Variants in FGF14 observed in about 807,000 individuals in gnomAD.
The protein encoded by FGF14 is fibroblast growth factor homologous factor 4.
Under a neutral mutation model 25.5 loss-of-function variants are expected in FGF14, and 5 were observed. The observed-to-expected ratio is 0.20, with a 90% CI of 0.10 to 0.41. The LOEUF (loss-of-function observed/expected upper bound fraction) is 0.41. FGF14 is among the 10% of genes least tolerant of loss of function. FGF14 has a pLI of 1.00. For synonymous variants in FGF14, 138 were observed against 118.3 expected (o/e 1.17, Z -1.08); for missense variants, 222 against 320.1 (o/e 0.69, Z 2.34).
At chr13:101,814,986 AC>A (rs916561521) in intron 3 of FGF14, among the ~76,000 whole-genome samples, 5 of 136,188 alleles carry the variant, frequency 3.7e-5, no homozygotes, top group Non-Finnish European at 8.6e-5. Flanking sequence ...ACTTATTAGT[AC>A]CCCTGATGGT....
rs2047712399 is a variant in FGF14 at position 102,161,632 on chromosome 13, AAGAAGAAGAAGAAGAAG to A, written c.208+239822_208+239838del. On this transcript the variant is annotated intron_variant, in intron 1 of 4. Coordinates refer to the FGF14 transcript ENST00000376131. ...GAAGAAGAAGAAGAAGAAGAAGAAG[AAGAAGAAGAAGAAGAAG>A]AAGAAGAAGAAGAAGAAGAAGAAGA... is the stretch of plus-strand genomic sequence containing the variant. 2.1e-3 allele frequency among the ~76,000 whole-genome samples: 25 copies of A among 12,098 alleles called. 3 individuals carry two copies. Among genetic ancestry groups the A allele is most frequent in the Non-Finnish European group, 3.0e-3 (18 of 6,022 alleles). The allele number at this position is 12,098 out of a possible 152,430, so 7.9% of individuals were successfully genotyped here. A position where few individuals can be genotyped will look rare whatever the true frequency, so the allele number is the denominator to read the frequency against.
chr13:102,143,778 C>A lies in FGF14; in HGVS notation c.208+257693G>T, dbSNP rs569817794. 1.1e-4 allele frequency among the ~76,000 whole-genome samples: 17 copies of A among 152,248 alleles called. No individual in the cohort carries two copies. In the South Asian group the frequency reaches 3.5e-3, roughly 32 times the overall value. On this transcript the variant is annotated intron_variant, in intron 1 of 4. Coordinates refer to the FGF14 transcript ENST00000376131. Reference sequence around the variant, plus strand: ...TAAAATACATATATAAAGAAATACACAAATTAAAACCGTTGCTTCCTTTTG... The same window carrying A: ...TAAAATACATATATAAAGAAATACAAAAATTAAAACCGTTGCTTCCTTTTG...
At chr13:102,069,741 A>AGAC (rs1248356217) in intron 1 of FGF14, among the ~76,000 whole-genome samples, 10 of 152,176 alleles carry the variant, frequency 6.6e-5, no homozygotes, top group Admixed American at 6.5e-4. Flanking sequence ...AACAAACTCC[A>AGAC]GACGCGCCAC....
chr13:102,250,874 G>A (rs1198496529), intron 1 of FGF14, among the ~76,000 whole-genome samples: 2 of 152,148 alleles, frequency 1.3e-5, no homozygotes, highest in African/African-American at 4.8e-5. Context: ...CCTATTTAGT[G>A]TTATTCCTTT....
At chr13:102,351,972 C>T (rs1353075022) in intron 1 of FGF14, among the ~76,000 whole-genome samples, 1 of 152,124 alleles carries the variant, frequency 6.6e-6, no homozygotes, top group Non-Finnish European at 1.5e-5. Flanking sequence ...GAACATATTT[C>T]AAACAACCAC....
At chr13:102,138,695 G>A (rs2046510167) in intron 1 of FGF14, among the ~76,000 whole-genome samples, 1 of 152,118 alleles carries the variant, frequency 6.6e-6, no homozygotes, top group Admixed American at 6.6e-5. Flanking sequence ...GGACAGAGGA[G>A]AGGACACCAG....
At chr13:101,982,181 A>C (rs1055919097) in intron 1 of FGF14, among the ~76,000 whole-genome samples, 1 of 152,216 alleles carries the variant, frequency 6.6e-6, no homozygotes, top group Admixed American at 6.5e-5. Flanking sequence ...AATTCTTCTC[A>C]TTCCAATGCT....
Position 101,716,739 on chromosome 13 carries a change from G to C in FGF14, c.*6092C>G, listed in dbSNP as rs1480323851. 1.4e-5 allele frequency: 2 copies of C among 144,494 alleles called. No homozygotes were observed. The highest frequency in any genetic ancestry group is 3.0e-5 in the Non-Finnish European group (2 of 66,646). 9.0% of individuals were successfully genotyped at this position (144,494 alleles called of 1,614,324 possible). ...ACCTGGGGTCATGCAAAGAAGTCAA[G>C]ACGAGAAATACTGTGATAAAATGGC... On this transcript the variant is annotated 3_prime_UTR_variant, in exon 5 of 5. Coordinates refer to ENST00000376143, the MANE Select transcript of FGF14 (RefSeq NM_004115.4).
chr13:101,740,248 A>G (rs1482371716), intron 3 of FGF14, among the ~76,000 whole-genome samples: 1 of 152,216 alleles, frequency 6.6e-6, no homozygotes, highest in African/African-American at 2.4e-5. Context: ...TCTGCGGCTC[A>G]TTCTGCTACA....
At chr13:102,223,527 T>C (rs557322155) in intron 1 of FGF14, among the ~76,000 whole-genome samples, 1 of 152,200 alleles carries the variant, frequency 6.6e-6, no homozygotes, top group African/African-American at 2.4e-5. Context: ...ATGATAGTTT[T>C]ATTCTGCTTT....
chr13:102,195,817 CA>C (rs954796043), intron 1 of FGF14, among the ~76,000 whole-genome samples: 21 of 147,912 alleles, frequency 1.4e-4, no homozygotes, highest in African/African-American at 5.2e-4. Context: ...AAACTCAAAT[CA>C]AAACAACAGT....
intron 3 of FGF14, among the ~76,000 whole-genome samples, chr13:101,844,896 G>A (rs1321967197): frequency 2.6e-5 from 4 of 151,964 alleles, no homozygotes; most frequent in East Asian, 1.9e-4. Context: ...TAACACTCCC[G>A]TGTCCCCTGA....
chr13:102,237,361 T>C (rs1325842768), intron 1 of FGF14, among the ~76,000 whole-genome samples: 1 of 152,154 alleles, frequency 6.6e-6, no homozygotes, highest in Admixed American at 6.5e-5. Context: ...CGGGTATGTC[T>C]TTCTCCAGCC....
Position 102,060,088 on chromosome 13 carries a change from G to A in FGF14, c.209-184792C>T, listed in dbSNP as rs1041847651. Among the ~76,000 whole-genome samples the A allele has an allele frequency of 1.8e-4, 27 of 151,956 alleles. 1 individual carries two copies. The East Asian group carries it at 5.2e-3, about 29-fold the overall frequency. The stretch of plus-strand genomic sequence containing the variant: ...TCATGCTCAAAGGAAATGCTGATTG[G>A]AGCATTTTGAATTTTGGATTTGTGG... On this transcript the variant is annotated intron_variant, in intron 1 of 4. Transcript: ENST00000376131.
intron 1 of FGF14, among the ~76,000 whole-genome samples, chr13:101,924,360 ACATC>A (rs2034217256): frequency 6.6e-6 from 1 of 152,032 alleles, no homozygotes; most frequent in Non-Finnish European, 1.5e-5. Context: ...GTAAACTTGT[ACATC>A]TGCACACACA....
At chr13:102,151,302 TG>T (rs2047074263) in intron 1 of FGF14, among the ~76,000 whole-genome samples, 1 of 152,174 alleles carries the variant, frequency 6.6e-6, no homozygotes, top group Admixed American at 6.5e-5. Context: ...TATGTGATGC[TG>T]GGGGTATCCA....
At chr13:101,787,821 T>C (rs1199391709) in intron 3 of FGF14, among the ~76,000 whole-genome samples, 2 of 152,142 alleles carry the variant, frequency 1.3e-5, no homozygotes, top group East Asian at 3.9e-4. Context: ...CTCTGTCCAC[T>C]GAAAAGCTTA....
chr13:102,065,822 C>G (rs1450367827), intron 1 of FGF14, among the ~76,000 whole-genome samples: 2 of 151,810 alleles, frequency 1.3e-5, no homozygotes, highest in Non-Finnish European at 2.9e-5. Flanking sequence ...TGGATAGTTA[C>G]TATGTATATA....
intron 1 of FGF14, chr13:101,967,654 T>C (rs1254358695): frequency 6.5e-6 from 1 of 153,886 alleles, no homozygotes; most frequent in Non-Finnish European, 1.5e-5. Flanking sequence ...CGTTGAATTA[T>C]TCATGCATCT....
Sources: gnomAD v4.1 joint callset for allele counts (sites outside exome capture counted in the v4.1 genomes callset) on GRCh38, gnomAD v4.1.1 for gene constraint, MANE v1.5 for transcripts, NCBI Gene and HGNC (gene_info 2026-07-23, HGNC 2026-07-21) for gene names.